Variants in NOS1AP observed in about 807,000 individuals in gnomAD.
The protein encoded by NOS1AP is carboxyl-terminal PDZ ligand of neuronal nitric oxide synthase protein.
NOS1AP carries 21 observed loss-of-function variants against 56.2 expected under a neutral mutation model. The ratio of observed to expected loss-of-function variants is 0.37; its 90% CI spans 0.26 to 0.54. NOS1AP has a LOEUF of 0.54. Among genes scored for constraint, NOS1AP ranks in the 20% least tolerant of loss-of-function variants. The pLI is 0.84. For synonymous variants in NOS1AP, 270 were observed against 274.6 expected (o/e 0.98, Z 0.17); for missense variants, 522 against 657.8 (o/e 0.79, Z 2.26).
chr1:162,158,843 A>G (rs1167216120), intron 2 of NOS1AP, among the ~76,000 whole-genome samples: 4 of 152,266 alleles, frequency 2.6e-5, no homozygotes, highest in African/African-American at 9.6e-5. Flanking sequence ...TTTACCAAGG[A>G]TCCAAAGGTC....
intron 2 of NOS1AP, among the ~76,000 whole-genome samples, chr1:162,159,778 C>G (rs572405501): frequency 6.6e-6 from 1 of 152,330 alleles, no homozygotes; most frequent in Admixed American, 6.5e-5. Context: ...CCCATGAAAT[C>G]TGGGGAGGCT....
intron 1 of NOS1AP, among the ~76,000 whole-genome samples, chr1:162,114,873 G>T (rs893327868): frequency 7.9e-5 from 12 of 152,186 alleles, no homozygotes; most frequent in African/African-American, 2.7e-4. Flanking sequence ...TGTTGTAGGG[G>T]TGGGATGGTA....
chr1:162,327,665 AGT>A (rs1265597850), intron 4 of NOS1AP, among the ~76,000 whole-genome samples: 1 of 152,246 alleles, frequency 6.6e-6, no homozygotes, highest in Non-Finnish European at 1.5e-5. Flanking sequence ...AGTAGACTAC[AGT>A]GTGAACCAGC....
intron 4 of NOS1AP, among the ~76,000 whole-genome samples, chr1:162,330,854 CAT>C (rs1656744876): frequency 6.6e-6 from 1 of 152,110 alleles, no homozygotes; most frequent in African/African-American, 2.4e-5. Flanking sequence ...AAATCAGAGA[CAT>C]ATTAGGGAGC....
rs1450719468 is a variant in NOS1AP, at chr1:162,367,281, C to T, written c.1335C>T (p.Gly445=). ...PPEDTPPPAQ[G]EALLGGLELI... is the part of the protein sequence containing the mutation. ...AGGACACCCCGCCCCCAGCGCAGGG[C>T]GAGGCGCTCCTGGGCGGTCTGGAGC... The change falls in exon 10 of 10, where the codon GGC becomes GGT. Residue 445 remains glycine (G), a synonymous_variant. Transcript: ENST00000361897. This position sits in a 1 kb window ranked among gnomAD's most constrained non-coding sequence, Gnocchi z 6.5. The T allele has an allele frequency of 1.2e-6, 2 of 1,613,454 alleles. No individual in the cohort carries two copies. The highest frequency in any genetic ancestry group is 1.1e-5 in the South Asian group (1 of 91,088).
intron 2 of NOS1AP, among the ~76,000 whole-genome samples, chr1:162,232,557 A>AGT (rs745917319): frequency 0.036 from 5,388 of 148,594 alleles, 114 homozygotes; most frequent in Middle Eastern, 0.065. Context: ...TGTGTGTCTA[A>AGT]GTGTGTGTGT....
chr1:162,285,185 G>A lies in NOS1AP; in HGVS notation c.178-2159G>A, dbSNP rs183583200. On this transcript the variant is annotated intron_variant, in intron 2 of 9. Transcript: ENST00000361897. The stretch of plus-strand genomic sequence containing the variant: ...ACTCTTCAGCCTTTAACTTCCACCT[G>A]AGTGCATCAGACACACTCTTCTGTA... Among the ~76,000 whole-genome samples the A allele has an allele frequency of 7.9e-5, 12 of 152,286 alleles. No homozygotes were observed. The East Asian group carries it at 2.3e-3, about 29-fold the overall frequency.
chr1:162,209,275 CTG>C (rs1290073393), intron 2 of NOS1AP, among the ~76,000 whole-genome samples: 3 of 152,190 alleles, frequency 2.0e-5, no homozygotes, highest in African/African-American at 7.2e-5. Context: ...GTCTCAGGGA[CTG>C]TCTCACATGT....
intron 2 of NOS1AP, among the ~76,000 whole-genome samples, chr1:162,248,920 C>T (rs1653761333): frequency 6.6e-6 from 1 of 151,974 alleles, no homozygotes; most frequent in African/African-American, 2.4e-5. Flanking sequence ...ACCACAGCAC[C>T]CCCCCCTTTC....
intron 3 of NOS1AP, among the ~76,000 whole-genome samples, chr1:162,293,960 G>A (rs1301421312): frequency 6.6e-6 from 1 of 152,196 alleles, no homozygotes; most frequent in East Asian, 1.9e-4. Flanking sequence ...AATGAAAAAT[G>A]AAGCAGATAC....
At chr1:162,355,471 T>A in intron 7 of NOS1AP, 118 bp downstream of exon 7, 1 of 1,278,588 alleles carries the variant, frequency 7.8e-7, no homozygotes, top group East Asian at 2.3e-5. Flanking sequence ...ACAGTGGCGG[T>A]GCCAGAGCGC....
chr1:162,129,491 A>G (rs931908774), intron 1 of NOS1AP, among the ~76,000 whole-genome samples: 1 of 152,122 alleles, frequency 6.6e-6, no homozygotes, highest in Non-Finnish European at 1.5e-5. Context: ...CTTTGCTTCT[A>G]TAGATCTATT....
At chr1:162,164,181 G>A (rs530647790) in intron 2 of NOS1AP, among the ~76,000 whole-genome samples, 1 of 152,254 alleles carries the variant, frequency 6.6e-6, no homozygotes, top group Non-Finnish European at 1.5e-5. Context: ...TCATGTTTGG[G>A]AGTCCTCTGA....
intron 2 of NOS1AP, among the ~76,000 whole-genome samples, chr1:162,278,839 G>A (rs1213072511): frequency 1.3e-5 from 2 of 152,150 alleles, no homozygotes; most frequent in Admixed American, 6.5e-5. Flanking sequence ...CATATAGATT[G>A]TAACGATCAA....
intron 1 of NOS1AP, among the ~76,000 whole-genome samples, chr1:162,137,496 C>T (rs1247946565): frequency 2.0e-5 from 3 of 152,142 alleles, no homozygotes; most frequent in Non-Finnish European, 4.4e-5. Context: ...TGTTGCTAAC[C>T]ATTTTTTTGC....
intron 4 of NOS1AP, among the ~76,000 whole-genome samples, chr1:162,320,667 A>G (rs1262322545): frequency 6.6e-6 from 1 of 152,170 alleles, no homozygotes; most frequent in Non-Finnish European, 1.5e-5. Context: ...CATCCTGGCC[A>G]ACATGGTGAA....
intron 1 of NOS1AP, among the ~76,000 whole-genome samples, chr1:162,126,515 G>A (rs1360028312): frequency 3.4e-5 from 5 of 147,414 alleles, no homozygotes; most frequent in East Asian, 1.9e-4. Flanking sequence ...TTTGGTTAAG[G>A]TATGCTTTTT....
intron 1 of NOS1AP, among the ~76,000 whole-genome samples, chr1:162,106,607 G>A (rs543122353): frequency 1.4e-4 from 21 of 152,164 alleles, no homozygotes; most frequent in African/African-American, 5.1e-4. Flanking sequence ...GAAATATGAA[G>A]AATTATTGCC....
rs1691627934 is a variant in NOS1AP, at chr1:162,070,088, G to C, written c.-90G>C. Reference sequence around the variant, plus strand: ...CTCCCAGGCCCCGCCACGCGTCGCCGCGCCCAGCTCCAGTCTCCCCTCCCC... The same window carrying C: ...CTCCCAGGCCCCGCCACGCGTCGCCCCGCCCAGCTCCAGTCTCCCCTCCCC... On this transcript the variant is annotated 5_prime_UTR_variant, in exon 1 of 10. Coordinates refer to ENST00000361897, the MANE Select transcript of NOS1AP (RefSeq NM_014697.3). The C allele has an allele frequency of 2.8e-6, 3 of 1,074,206 alleles. No individual in the cohort carries two copies. The highest frequency in any genetic ancestry group is 4.2e-6 in the Non-Finnish European group (3 of 711,898). 66.5% of individuals were successfully genotyped at this position (1,074,206 alleles called of 1,614,324 possible). A position where few individuals can be genotyped will look rare whatever the true frequency, so the allele number is the denominator to read the frequency against.
Sources: allele counts gnomAD v4.1 joint callset (sites outside exome capture counted in the v4.1 genomes callset), GRCh38; gene constraint gnomAD v4.1.1; non-coding constraint Gnocchi (gnomAD v3.1); transcripts MANE v1.5; gene names NCBI Gene and HGNC (gene_info 2026-07-23, HGNC 2026-07-21).